Variants in ANKRD28 observed in about 807,000 individuals in gnomAD.
The protein encoded by ANKRD28 is serine/threonine-protein phosphatase 6 regulatory ankyrin repeat subunit A.
In ANKRD28, 44 loss-of-function variants were observed where a neutral mutation model predicts 126.5. The ratio of observed to expected loss-of-function variants is 0.35; its 90% CI spans 0.27 to 0.45. The LOEUF (loss-of-function observed/expected upper bound fraction) is 0.45. ANKRD28 is among the 20% of genes least tolerant of loss of function. The pLI is 1.00. For synonymous variants in ANKRD28, 442 were observed against 468.5 expected (o/e 0.94, Z 0.73); for missense variants, 1,110 against 1,316.6 (o/e 0.84, Z 2.43).
intron 14 of ANKRD28, among the ~76,000 whole-genome samples, chr3:15,703,897 T>G (rs1276322204): frequency 1.3e-5 from 2 of 152,196 alleles, no homozygotes; most frequent in Non-Finnish European, 2.9e-5. Context: ...TGATTAAGGC[T>G]GTGAGGGACA....
At chr3:15,742,361 G>C (rs1388420584) in intron 4 of ANKRD28, among the ~76,000 whole-genome samples, 1 of 150,054 alleles carries the variant, frequency 6.7e-6, no homozygotes, top group Admixed American at 6.6e-5. Flanking sequence ...CCCATCGTCT[G>C]AGATGTGGGG....
Position 15,843,171 on chromosome 3 carries a change from C to T in ANKRD28, c.27+16206G>A, listed in dbSNP as rs2125976074. On this transcript the variant is annotated intron_variant, in intron 1 of 27. Coordinates refer to the ANKRD28 transcript ENST00000399451. The surrounding 1 kb of genome is among the most constrained non-coding windows in gnomAD (Gnocchi z 5.2). Reference sequence around the variant, plus strand: ...AGGCAAAGAGGTAGCAGGCACATCACATGGTGAAAGTAGGAGCAAGACAGA... The same window carrying T: ...AGGCAAAGAGGTAGCAGGCACATCATATGGTGAAAGTAGGAGCAAGACAGA... Among the ~76,000 whole-genome samples, 1 of 152,296 alleles carries T rather than the reference C, an allele frequency of 6.6e-6. No homozygotes were observed. Among genetic ancestry groups the T allele is most frequent in the East Asian group, 1.9e-4 (1 of 5,190 alleles).
intron 27 of ANKRD28, among the ~76,000 whole-genome samples, chr3:15,673,741 C>T (rs2066618473): frequency 6.6e-6 from 1 of 151,980 alleles, no homozygotes; most frequent in Admixed American, 6.6e-5. Context: ...AGTGTTCAGG[C>T]AGAGTAAACA....
chr3:15,686,078 C>G lies in ANKRD28; in HGVS notation c.2093G>C (p.Cys698Ser). ...TCCTTTGTTCAGCAATGAGTAAACA[C>G]AGTCTGTGTGCCCGTTGAGAACAGA... The part of the protein sequence containing the change: ...MLSVLNGHTD[C>S]VYSLLNKGAN... Residue 698 changes from cysteine to serine, a missense_variant, in exon 20 of 28, where the codon TGT becomes TCT. Transcript: ENST00000683139. 6.2e-7 allele frequency: 1 copy of G among 1,613,686 alleles called. No homozygotes were observed. The highest frequency in any genetic ancestry group is 1.1e-5 in the South Asian group (1 of 90,938).
intron 3 of ANKRD28, among the ~76,000 whole-genome samples, chr3:15,762,544 T>C (rs998080494): frequency 4.6e-5 from 7 of 152,164 alleles, no homozygotes; most frequent in African/African-American, 1.7e-4. Flanking sequence ...ACCTTTGTCT[T>C]TCTAGATTGT....
At chr3:15,776,045 A>G (rs2059250608) in intron 2 of ANKRD28, among the ~76,000 whole-genome samples, 1 of 152,180 alleles carries the variant, frequency 6.6e-6, no homozygotes, top group Non-Finnish European at 1.5e-5. Context: ...CATAAGCATA[A>G]AAAAGACACT....
intron 3 of ANKRD28, among the ~76,000 whole-genome samples, chr3:15,758,075 A>C (rs2058262710): frequency 6.6e-6 from 1 of 152,202 alleles, no homozygotes; most frequent in African/African-American, 2.4e-5. Flanking sequence ...AGGTACTATT[A>C]AAGTTATTGC....
rs576520659 is a variant in ANKRD28 at position 15,717,698 on chromosome 3, A to G, written c.997-3042T>C. ...TATTTTGCTTAGCTGACCAAAATCT[A>G]TTCTTAAAGAACAATGTGGGTGGGA... On this transcript the variant is annotated intron_variant, in intron 8 of 27. Coordinates refer to ENST00000683139, the MANE Select transcript of ANKRD28 (RefSeq NM_001349278.2). 9.8e-5 allele frequency among the ~76,000 whole-genome samples: 15 copies of G among 152,314 alleles called. No homozygotes were observed. In the South Asian group the frequency reaches 2.9e-3, roughly 29 times the overall value.
chr3:15,777,948 A>G (rs1330117690), intron 2 of ANKRD28, among the ~76,000 whole-genome samples: 2 of 151,254 alleles, frequency 1.3e-5, no homozygotes. Flanking sequence ...AATATAACCA[A>G]ATACCTTTAG....
chr3:15,763,153 T>C (rs898359769), intron 3 of ANKRD28, among the ~76,000 whole-genome samples: 1 of 152,254 alleles, frequency 6.6e-6, no homozygotes, highest in African/African-American at 2.4e-5. Flanking sequence ...GTTTTTGTTT[T>C]ATTTTTCCTA....
chr3:15,703,923 A>G (rs987566401), intron 14 of ANKRD28, among the ~76,000 whole-genome samples: 12 of 152,316 alleles, frequency 7.9e-5, no homozygotes, highest in South Asian at 4.1e-4. Flanking sequence ...TAATCTACAT[A>G]CACACAGAGC....
chr3:15,709,714 G>A lies in ANKRD28; in HGVS notation c.1360C>T (p.Leu454=). ...TTAAAGTCTGCACCAGTATTCAGCA[G>A]AAGGTTTAGGCACTCCAAATTCCTA... is the stretch of plus-strand genomic sequence containing the variant. ...AGGNLECLNL[L]LNTGADFNKK... is the part of the protein sequence containing the mutation. Residue 454 remains leucine (L), a synonymous_variant, in exon 13 of 28, where the codon CTG becomes TTG. Coordinates refer to ENST00000683139, the MANE Select transcript of ANKRD28 (RefSeq NM_001349278.2). The A allele has an allele frequency of 1.3e-6, 2 of 1,578,372 alleles. No homozygotes were observed. The highest frequency in any genetic ancestry group is 2.3e-5 in the East Asian group (1 of 43,698).
At chr3:15,736,489 A>C (rs1011582534) in intron 5 of ANKRD28, among the ~76,000 whole-genome samples, 8 of 152,190 alleles carry the variant, frequency 5.3e-5, no homozygotes, top group Non-Finnish European at 1.0e-4. Flanking sequence ...AAAATGAAAG[A>C]CTAGACAAGT....
Position 15,770,033 on chromosome 3 carries a change from A to G in ANKRD28, c.202-3721T>C, listed in dbSNP as rs560457995. 2.2e-4 allele frequency among the ~76,000 whole-genome samples: 33 copies of G among 151,794 alleles called. No homozygotes were observed. The South Asian group carries it at 7.0e-3, about 32-fold the overall frequency. ...ACATCCATTGAAAAAGCCTTGGTCT[A>G]ACTTAAAAAAAAAAAAAAAAGTTAT... On this transcript the variant is annotated intron_variant, in intron 2 of 27. Transcript: ENST00000683139.
chr3:15,707,200 G>A (rs2071562527), intron 14 of ANKRD28, among the ~76,000 whole-genome samples: 2 of 151,812 alleles, frequency 1.3e-5, no homozygotes, highest in South Asian at 4.2e-4. Flanking sequence ...ACACCATAGG[G>A]AATTACCAGA....
At chr3:15,777,218 G>A (rs1423588929) in intron 2 of ANKRD28, among the ~76,000 whole-genome samples, 1 of 150,144 alleles carries the variant, frequency 6.7e-6, no homozygotes, top group Non-Finnish European at 1.5e-5. Context: ...AGCTTGCAGT[G>A]AGCTGAGATT....
chr3:15,784,913 T>G (rs1247035184), intron 2 of ANKRD28, among the ~76,000 whole-genome samples: 2 of 152,068 alleles, frequency 1.3e-5, no homozygotes, highest in East Asian at 1.9e-4. Context: ...ATAACTATTT[T>G]GGAACTCTGT....
At position 15,796,638 on chromosome 3, in the gene ANKRD28, G is replaced by T; in HGVS notation, c.-117C>A. Reference sequence around the variant, plus strand: ...TTACAAACATTCTCTGAACAGCACAGCTGGGTTTTTTTTTTTTTTAAAGTT... The same window carrying T: ...TTACAAACATTCTCTGAACAGCACATCTGGGTTTTTTTTTTTTTTAAAGTT... On this transcript the variant is annotated 5_prime_UTR_variant, in exon 1 of 28. In the 5' UTR this introduces an upstream ATG that the reference lacks. Coordinates refer to ENST00000683139, the MANE Select transcript of ANKRD28 (RefSeq NM_001349278.2). The T allele has an allele frequency of 1.1e-6, 1 of 936,546 alleles. No homozygotes were observed. The highest frequency in any genetic ancestry group is 3.9e-5 in the South Asian group (1 of 25,450). 58.0% of individuals were successfully genotyped at this position (936,546 alleles called of 1,614,324 possible).
rs961327931 is a variant in ANKRD28 at position 15,796,726 on chromosome 3, A to G, written c.-205T>C. ...CTACATAATTTGTAACTTCCTAAAT[A>G]TAACGAAATTCTATTATTTCTGTTG... On this transcript the variant is annotated 5_prime_UTR_variant, in exon 1 of 28. Coordinates refer to ENST00000683139, the MANE Select transcript of ANKRD28 (RefSeq NM_001349278.2). The G allele has an allele frequency of 4.1e-6, 4 of 987,008 alleles. No individual in the cohort carries two copies. In the South Asian group the frequency reaches 1.3e-4, roughly 32 times the overall value. The allele number at this position is 987,008 out of a possible 1,614,324, so 61.1% of individuals were successfully genotyped here. A position where few individuals can be genotyped will look rare whatever the true frequency, so the allele number is the denominator to read the frequency against.
Sources: allele counts gnomAD v4.1 joint callset (sites outside exome capture counted in the v4.1 genomes callset), GRCh38; gene constraint gnomAD v4.1.1; non-coding constraint Gnocchi (gnomAD v3.1); transcripts MANE v1.5; gene names NCBI Gene and HGNC (gene_info 2026-07-23, HGNC 2026-07-21).